The following COP1 variants were observed in gnomAD, a reference collection of about 807,000 sequenced individuals.
The protein encoded by COP1 is E3 ubiquitin-protein ligase COP1.
Under a neutral mutation model 101.3 loss-of-function variants are expected in COP1, and 24 were observed. The observed-to-expected ratio is 0.24, with a 90% CI of 0.17 to 0.33. The LOEUF is 0.33. Among genes scored for constraint, COP1 ranks in the 10% least tolerant of loss-of-function variants. The pLI is 1.00. For missense variants in COP1, 663 were observed against 906.2 expected (o/e 0.73, Z 3.45); for synonymous variants, 347 against 341.9 (o/e 1.01, Z -0.17).
At chr1:175,975,521 T>C (rs565009719) in intron 18 of COP1, among the ~76,000 whole-genome samples, 3 of 152,274 alleles carry the variant, frequency 2.0e-5, no homozygotes, top group African/African-American at 7.2e-5. Flanking sequence ...GCGATTCTCA[T>C]GTCTCAGCCA....
At chr1:176,132,615 CTATA>C (rs1266479977) in intron 8 of COP1, among the ~76,000 whole-genome samples, 3 of 106,052 alleles carry the variant, frequency 2.8e-5, no homozygotes, top group Non-Finnish European at 5.7e-5. Context: ...CGTATATATA[CTATA>C]TATACACACA....
intron 14 of COP1, among the ~76,000 whole-genome samples, chr1:176,036,243 T>C (rs1571835600): frequency 6.6e-6 from 1 of 151,360 alleles, no homozygotes; most frequent in South Asian, 2.1e-4. Context: ...ACTTCAATCT[T>C]CAAAAAACTA....
chr1:176,155,551 G>C (rs1392903796), intron 5 of COP1, among the ~76,000 whole-genome samples: 4 of 152,058 alleles, frequency 2.6e-5, no homozygotes, highest in Non-Finnish European at 5.9e-5. Context: ...AAAGGAAGGA[G>C]AGCAAAGGGC....
At chr1:175,963,130 T>G (rs1208156198) in intron 18 of COP1, among the ~76,000 whole-genome samples, 1 of 152,102 alleles carries the variant, frequency 6.6e-6, no homozygotes, top group Non-Finnish European at 1.5e-5. Context: ...GAGTAGACTC[T>G]CTACTTTTAA....
At chr1:176,143,146 A>AG (rs1553286862) in intron 6 of COP1, among the ~76,000 whole-genome samples, 11 of 66,572 alleles carry the variant, frequency 1.7e-4, no homozygotes, top group African/African-American at 5.2e-4. Flanking sequence ...GAGCGAGAGA[A>AG]AGAGAGAGAG....
At chr1:176,108,763 T>G (rs1684777647) in intron 9 of COP1, among the ~76,000 whole-genome samples, 1 of 152,160 alleles carries the variant, frequency 6.6e-6, no homozygotes, top group South Asian at 2.1e-4. Flanking sequence ...AATTTTTGTC[T>G]TTTAAAAATA....
At chr1:176,067,129 C>T (rs911883850) in intron 11 of COP1, among the ~76,000 whole-genome samples, 2 of 151,992 alleles carry the variant, frequency 1.3e-5, no homozygotes, top group Non-Finnish European at 2.9e-5. Flanking sequence ...AGTCCAAACC[C>T]ATAGAATATA....
intron 5 of COP1, among the ~76,000 whole-genome samples, chr1:176,150,681 A>G (rs1692279379): frequency 6.6e-6 from 1 of 152,252 alleles, no homozygotes; most frequent in Non-Finnish European, 1.5e-5. Context: ...TTACAAAGGA[A>G]TTATACAAAC....
chr1:176,081,354 C>T lies in COP1; in HGVS notation c.1142-67G>A, dbSNP rs913888983. 4.8e-6 allele frequency: 6 copies of T among 1,251,500 alleles called. No individual in the cohort carries two copies. The African/African-American group carries it at 9.2e-5, about 19-fold the overall frequency. The allele number at this position is 1,251,500 out of a possible 1,614,324, so 77.5% of individuals were successfully genotyped here. ...AACTGCAAAGTAAGTCAAAGAGCCA[C>T]ATCCACAAATTAAAATTTATATTCT... On this transcript the variant is annotated intron_variant, in intron 10 of 19. Coordinates refer to ENST00000367669, the MANE Select transcript of COP1 (RefSeq NM_022457.7).
At position 175,963,237 on chromosome 1, in the gene COP1, G is replaced by C. The variant is rs1651599938; in HGVS notation, c.2134-15998C>G. 3.3e-5 allele frequency among the ~76,000 whole-genome samples: 5 copies of C among 151,850 alleles called. No individual in the cohort carries two copies. In the South Asian group the frequency reaches 1.0e-3, roughly 32 times the overall value. On this transcript the variant is annotated intron_variant, in intron 18 of 19. Transcript: ENST00000367669. ...AGGCATTTAATGCCTACAGAAGAAGGTCTAAACTTTTTTTTTTTCTCTCAG... is the reference window on the plus strand; with the variant it reads ...AGGCATTTAATGCCTACAGAAGAAGCTCTAAACTTTTTTTTTTTCTCTCAG...
At chr1:176,167,890 T>C (rs549070356) in intron 3 of COP1, among the ~76,000 whole-genome samples, 42 of 152,128 alleles carry the variant, frequency 2.8e-4, no homozygotes, top group Non-Finnish European at 5.1e-4. Flanking sequence ...GCCATAAGGA[T>C]TGACTTCATG....
chr1:176,124,317 A>T (rs1412636187), intron 8 of COP1, among the ~76,000 whole-genome samples: 2 of 152,056 alleles, frequency 1.3e-5, no homozygotes, highest in African/African-American at 4.8e-5. Flanking sequence ...ATTATTATTG[A>T]CTATAGTCAC....
At chr1:176,016,066 A>T (rs147421078) in intron 15 of COP1, among the ~76,000 whole-genome samples, 135 of 152,326 alleles carry the variant, frequency 8.9e-4, no homozygotes, top group African/African-American at 3.0e-3. Context: ...TGCAAAAGAA[A>T]AATTGAGTTC....
At chr1:175,955,173 G>A (rs1650464243) in intron 18 of COP1, among the ~76,000 whole-genome samples, 1 of 152,046 alleles carries the variant, frequency 6.6e-6, no homozygotes, top group African/African-American at 2.4e-5. Context: ...CCTGAGCCTG[G>A]GAAGGCTGTA....
At chr1:176,056,542 T>C (rs1421687355) in intron 11 of COP1, among the ~76,000 whole-genome samples, 1 of 152,130 alleles carries the variant, frequency 6.6e-6, no homozygotes, top group Admixed American at 6.5e-5. Flanking sequence ...CAAAGAGAGA[T>C]TGATCTAATG....
chr1:175,967,673 T>C (rs1472639241), intron 18 of COP1, among the ~76,000 whole-genome samples: 1 of 152,196 alleles, frequency 6.6e-6, no homozygotes, highest in African/African-American at 2.4e-5. Context: ...AGCTTTCCTC[T>C]GCAAATGGTT....
intron 1 of COP1, among the ~76,000 whole-genome samples, chr1:176,195,451 A>T (rs1699568440): frequency 6.6e-6 from 1 of 152,244 alleles, no homozygotes; most frequent in Non-Finnish European, 1.5e-5. Context: ...ACTGAACTTA[A>T]ATAACACATC....
intron 8 of COP1, 60 bp downstream of exon 8, chr1:176,134,950 T>C: frequency 7.9e-7 from 1 of 1,263,368 alleles, no homozygotes. Flanking sequence ...CCTAAAGGAC[T>C]AGACCATATG....
At chr1:176,182,203 G>A (rs1018848027) in intron 2 of COP1, among the ~76,000 whole-genome samples, 1 of 152,138 alleles carries the variant, frequency 6.6e-6, no homozygotes, top group African/African-American at 2.4e-5. Flanking sequence ...AATCTATTTC[G>A]TATTTCAACA....
Sources: allele counts gnomAD v4.1 joint callset (sites outside exome capture counted in the v4.1 genomes callset), GRCh38; gene constraint gnomAD v4.1.1; transcripts MANE v1.5; gene names NCBI Gene and HGNC (gene_info 2026-07-23, HGNC 2026-07-21).